The following SPDYA variants were observed in gnomAD, a reference collection of about 807,000 sequenced individuals.
SPDYA encodes the protein speedy/RINGO cell cycle regulator family member A.
In SPDYA, 11 loss-of-function variants were observed where a neutral mutation model predicts 36.7. The observed-to-expected ratio is 0.30, with a 90% CI of 0.19 to 0.50. The LOEUF is 0.50. SPDYA is among the 20% of genes least tolerant of loss of function. The pLI is 0.98. For missense variants in SPDYA, 287 were observed against 370.9 expected (o/e 0.77, Z 1.86); for synonymous variants, 115 against 118.7 (o/e 0.97, Z 0.20).
chr2:28,834,081 A>AACAC (rs56865803), intron 6 of SPDYA, among the ~76,000 whole-genome samples: 61,896 of 146,718 alleles, frequency 0.42, 13,722 homozygotes, highest in Non-Finnish European at 0.51. Flanking sequence ...AAATTGCTAA[A>AACAC]ACACACACAC....
chr2:28,816,136 A>T lies in SPDYA; in HGVS notation c.122A>T (p.Asp41Val), dbSNP rs1487451841. The T allele has an allele frequency of 6.2e-7, 1 of 1,614,094 alleles. No individual in the cohort carries two copies. Among genetic ancestry groups the T allele is most frequent in the Non-Finnish European group, 8.5e-7 (1 of 1,179,982 alleles). ...PITLKRPICK[D>V]NWQAFEKNTH... ...ACTCTGAAGCGTCCTATTTGTAAAG[A>T]TAATTGGCAAGCATTTGAAAAAAAT... The change falls in exon 3 of 8, where the codon GAT becomes GTT. Residue 41 changes from aspartate to valine, a missense_variant. By Grantham distance (152) the Asp-to-Val change is radical. Coordinates refer to ENST00000334056, the MANE Select transcript of SPDYA (RefSeq NM_182756.4).
chr2:28,824,488 A>C (rs1415579232), intron 5 of SPDYA, among the ~76,000 whole-genome samples: 2 of 100,850 alleles, frequency 2.0e-5, no homozygotes, highest in Admixed American at 1.1e-4. Context: ...GAAAAAAAAA[A>C]AAACAAAAAA....
intron 6 of SPDYA, among the ~76,000 whole-genome samples, chr2:28,835,522 C>T (rs191078049): frequency 3.5e-4 from 53 of 152,320 alleles, no homozygotes; most frequent in African/African-American, 1.2e-3. Context: ...CAGGCATGAG[C>T]GCCCAGCCTT....
chr2:28,837,984 T>C (rs1399435070), intron 6 of SPDYA, among the ~76,000 whole-genome samples: 1 of 151,746 alleles, frequency 6.6e-6, no homozygotes, highest in East Asian at 1.9e-4. Context: ...CCCCAATCAC[T>C]AAAAATGACA....
chr2:28,813,770 T>C (rs189617639), intron 1 of SPDYA, among the ~76,000 whole-genome samples: 3 of 152,270 alleles, frequency 2.0e-5, no homozygotes, highest in Admixed American at 1.3e-4. Flanking sequence ...CAGGCTGGTC[T>C]CAAACTCCTG....
At chr2:28,819,840 AAAAAAAAAAATATATATATATATATATAT>A (rs1558322304) in intron 4 of SPDYA, among the ~76,000 whole-genome samples, 5 of 52,320 alleles carry the variant, frequency 9.6e-5, no homozygotes, top group Admixed American at 5.3e-4. Context: ...AAAAAAAAAA[AAAAAAAAAAATATATATATATATATATAT>A]ATATATATAT....
chr2:28,813,797 C>G (rs1371581630), intron 1 of SPDYA, among the ~76,000 whole-genome samples: 1 of 152,104 alleles, frequency 6.6e-6, no homozygotes, highest in Non-Finnish European at 1.5e-5. Flanking sequence ...GGTGATCCGC[C>G]CACCTCAGCC....
At chr2:28,836,072 A>G (rs202173072) in intron 6 of SPDYA, among the ~76,000 whole-genome samples, 1 of 152,242 alleles carries the variant, frequency 6.6e-6, no homozygotes, top group Non-Finnish European at 1.5e-5. Flanking sequence ...ACTAGCTTAT[A>G]ATAATAATAC....
At chr2:28,828,540 G>GA (rs1480654102) in intron 5 of SPDYA, among the ~76,000 whole-genome samples, 2 of 152,172 alleles carry the variant, frequency 1.3e-5, no homozygotes, top group Non-Finnish European at 2.9e-5. Flanking sequence ...TGTCAACCAT[G>GA]GGTATCAGTT....
rs1331189017 is a variant in SPDYA, at chr2:28,829,961, A to AG, written c.552+642_552+643insG. Among the ~76,000 whole-genome samples, 76 of 46,964 alleles carry AG rather than the reference A, an allele frequency of 1.6e-3. 7 individuals are homozygous for AG. The highest frequency in any genetic ancestry group is 4.8e-3 in the African/African-American group (69 of 14,376). 30.8% of individuals were successfully genotyped at this position (46,964 alleles called of 152,430 possible). The stretch of plus-strand genomic sequence containing the variant: ...TCCATCTCAAAAAAAAAAAAAAAAG[A>AG]AAAGAAAAGAAAAAGAAAAATACAA... On this transcript the variant is annotated intron_variant, in intron 6 of 7. Coordinates refer to ENST00000334056, the MANE Select transcript of SPDYA (RefSeq NM_182756.4).
At chr2:28,832,853 T>C (rs995332771) in intron 6 of SPDYA, among the ~76,000 whole-genome samples, 2 of 151,492 alleles carry the variant, frequency 1.3e-5, no homozygotes, top group African/African-American at 4.9e-5. Flanking sequence ...CTTTTTTTTT[T>C]TTTTAAAGAC....
chr2:28,846,553 G>A (rs1668880235), intron 7 of SPDYA, among the ~76,000 whole-genome samples: 1 of 152,110 alleles, frequency 6.6e-6, no homozygotes, highest in South Asian at 2.1e-4. Flanking sequence ...TAGTTTACAG[G>A]ACAGCCAGAC....
intron 3 of SPDYA, 22 bp downstream of exon 3, chr2:28,816,271 A>T: frequency 6.6e-7 from 1 of 1,511,296 alleles, no homozygotes; most frequent in Non-Finnish European, 9.0e-7. Flanking sequence ...ATATTGTAAT[A>T]GTGGTAATTA....
intron 2 of SPDYA, among the ~76,000 whole-genome samples, chr2:28,815,627 T>C (rs765220591): frequency 6.6e-6 from 1 of 152,096 alleles, no homozygotes; most frequent in Admixed American, 6.6e-5. Context: ...AATAAAATTA[T>C]GTCAATTCAA....
At chr2:28,819,816 C>T (rs10210910) in intron 4 of SPDYA, among the ~76,000 whole-genome samples, 1 of 69,962 alleles carries the variant, frequency 1.4e-5, no homozygotes, top group African/African-American at 6.0e-5. Flanking sequence ...GAGACCTGGT[C>T]TCTTAAAAAA....
intron 1 of SPDYA, among the ~76,000 whole-genome samples, chr2:28,812,070 A>G (rs1228165834): frequency 6.6e-6 from 1 of 152,234 alleles, no homozygotes; most frequent in Non-Finnish European, 1.5e-5. Flanking sequence ...TCAGTTCTGC[A>G]TTCAAATTCT....
At chr2:28,846,830 A>G (rs1349236542) in intron 7 of SPDYA, among the ~76,000 whole-genome samples, 1 of 152,016 alleles carries the variant, frequency 6.6e-6, no homozygotes, top group African/African-American at 2.4e-5. Flanking sequence ...TCAATTCAAC[A>G]TCTACTGAGC....
chr2:28,834,703 T>C (rs1268647790), intron 6 of SPDYA, among the ~76,000 whole-genome samples: 3 of 152,200 alleles, frequency 2.0e-5, no homozygotes, highest in Non-Finnish European at 4.4e-5. Context: ...TTAGTAGTTG[T>C]TATGGGCTGA....
intron 7 of SPDYA, among the ~76,000 whole-genome samples, chr2:28,845,372 A>G (rs527299977): frequency 6.6e-5 from 10 of 151,588 alleles, no homozygotes; most frequent in South Asian, 2.1e-4. Flanking sequence ...GTGGGGTTAC[A>G]GATGTAAATC....
Sources: allele counts gnomAD v4.1 joint callset (sites outside exome capture counted in the v4.1 genomes callset), GRCh38; gene constraint gnomAD v4.1.1; transcripts MANE v1.5; gene names NCBI Gene and HGNC (gene_info 2026-07-23, HGNC 2026-07-21).